The following ANKRD42 variants were observed in gnomAD, a reference collection of about 807,000 sequenced individuals.
The protein encoded by ANKRD42 is ankyrin repeat domain-containing protein 42.
A neutral mutation model predicts 51.5 loss-of-function variants in ANKRD42; 43 were observed. The ratio of observed to expected loss-of-function variants is 0.83; its 90% CI spans 0.65 to 1.08. The LOEUF is 1.08. ANKRD42 is among the 50% of genes least tolerant of loss of function. ANKRD42 has a pLI of 0.00. For missense variants in ANKRD42, 608 were observed against 629.3 expected, an observed-to-expected ratio of 0.97 and a Z score of 0.36; for synonymous variants, 203 against 213.0, an observed-to-expected ratio of 0.95 and a Z score of 0.41.
chr11:83,261,806 A>G (rs1018741719), downstream of ANKRD42: 3 of 746,944 alleles, frequency 4.0e-6, no homozygotes, highest in African/African-American at 3.6e-5. Flanking sequence ...CACTTCGAAT[A>G]ATCTTGTGTA....
chr11:83,197,595 A>G (rs1026232276), intron 1 of ANKRD42, among the ~76,000 whole-genome samples: 2 of 152,206 alleles, frequency 1.3e-5, no homozygotes, highest in African/African-American at 4.8e-5. Flanking sequence ...GCTGTTTTCA[A>G]AACAACTTCA....
chr11:83,213,005 A>G (rs750555789), intron 5 of ANKRD42: 68 of 1,599,358 alleles, frequency 4.3e-5, no homozygotes, highest in East Asian at 8.9e-5. Context: ...CCTCAGCATC[A>G]TGGCCACCCT....
intron 5 of ANKRD42, 43 bp from the exon 6 acceptor site, chr11:83,224,812 T>G: frequency 6.9e-7 from 1 of 1,455,380 alleles, no homozygotes; most frequent in Non-Finnish European, 9.2e-7. Context: ...CATAAAAATT[T>G]TAAAAAATAA....
At chr11:83,208,384 T>A (rs760884978) in intron 3 of ANKRD42, among the ~76,000 whole-genome samples, 47 of 151,778 alleles carry the variant, frequency 3.1e-4, no homozygotes, top group Non-Finnish European at 6.5e-4. Context: ...TGTGTGTGTG[T>A]GAATATGTTT....
intron 6 of ANKRD42, among the ~76,000 whole-genome samples, chr11:83,225,342 G>T (rs1300731591): frequency 6.6e-6 from 1 of 152,096 alleles, no homozygotes; most frequent in African/African-American, 2.4e-5. Context: ...TGAGGTGAGT[G>T]GATTGCTTGA....
intron 5 of ANKRD42, among the ~76,000 whole-genome samples, chr11:83,222,566 C>T (rs1862747264): frequency 2.0e-5 from 3 of 152,138 alleles, no homozygotes; most frequent in Admixed American, 2.0e-4. Flanking sequence ...GGATAAACAT[C>T]TGAAGGAGCT....
chr11:83,261,328 A>G (rs1366198383), downstream of ANKRD42: 17 of 152,132 alleles, frequency 1.1e-4, no homozygotes, highest in Admixed American at 1.1e-3. Context: ...CAGCCTCCCA[A>G]AGTGCTGAGA....
chr11:83,209,465 G>A (rs753740475), intron 3 of ANKRD42: 423 of 1,445,878 alleles, frequency 2.9e-4, no homozygotes, highest in Non-Finnish European at 3.7e-4. Context: ...TCGACATGTC[G>A]TGCTGCCCAA....
chr11:83,195,369 G>T (rs12226394), intron 1 of ANKRD42, among the ~76,000 whole-genome samples: 29 of 152,308 alleles, frequency 1.9e-4, no homozygotes, highest in African/African-American at 5.1e-4. Flanking sequence ...AGTGAGATCA[G>T]TGTTATAAAG....
chr11:83,216,957 G>A (rs979773277), intron 5 of ANKRD42, among the ~76,000 whole-genome samples: 3 of 152,224 alleles, frequency 2.0e-5, no homozygotes, highest in African/African-American at 7.2e-5. Context: ...AAGGGGCCCT[G>A]CAGTTGTGGT....
chr11:83,195,818 C>T (rs1189478744), intron 1 of ANKRD42, among the ~76,000 whole-genome samples: 2 of 150,482 alleles, frequency 1.3e-5, no homozygotes, highest in Admixed American at 6.6e-5. Context: ...TGTATTCTTA[C>T]ATGATCTACC....
rs150944949 is a variant in ANKRD42 at position 83,256,000 on chromosome 11, G to A, written c.*66G>A. The A allele has an allele frequency of 5.4e-4, 625 of 1,166,262 alleles. 8 individuals carry two copies. The East Asian group carries it at 0.015, about 28-fold the overall frequency. The allele number at this position is 1,166,262 out of a possible 1,614,324, so 72.2% of individuals were successfully genotyped here. A position where few individuals can be genotyped will look rare whatever the true frequency, so the allele number is the denominator to read the frequency against. ...TCATTAAAAAAATTGATATAAATGTGAGTCTATACAAACTATCTCAGAATT... is the reference window on the plus strand; with the variant it reads ...TCATTAAAAAAATTGATATAAATGTAAGTCTATACAAACTATCTCAGAATT... On this transcript the variant is annotated 3_prime_UTR_variant, in exon 12 of 12. Transcript: ENST00000260047.
intron 5 of ANKRD42, chr11:83,213,209 A>C: frequency 2.5e-6 from 4 of 1,599,826 alleles, no homozygotes; most frequent in African/African-American, 1.3e-5. Flanking sequence ...AACAAAGCAC[A>C]TGCTGCCTAC....
intron 7 of ANKRD42, among the ~76,000 whole-genome samples, chr11:83,228,749 A>G (rs1276192778): frequency 6.6e-6 from 1 of 152,112 alleles, no homozygotes; most frequent in African/African-American, 2.4e-5. Flanking sequence ...TTTATAAGCA[A>G]GGGAAATGAG....
At chr11:83,207,895 G>A (rs926298203) in intron 3 of ANKRD42, among the ~76,000 whole-genome samples, 1 of 152,182 alleles carries the variant, frequency 6.6e-6, no homozygotes, top group Admixed American at 6.5e-5. Flanking sequence ...TAAGAACCAC[G>A]CTTGGATAGA....
At chr11:83,206,911 A>T (rs2135492901) in intron 3 of ANKRD42, among the ~76,000 whole-genome samples, 1 of 152,332 alleles carries the variant, frequency 6.6e-6, no homozygotes, top group East Asian at 1.9e-4. Flanking sequence ...GTTTTGAAAT[A>T]GACTGGAATT....
intron 5 of ANKRD42, among the ~76,000 whole-genome samples, chr11:83,216,546 G>C (rs556311327): frequency 4.4e-4 from 67 of 151,656 alleles, no homozygotes; most frequent in African/African-American, 1.5e-3. Flanking sequence ...GGATGGTCTC[G>C]ATCTCCTGAC....
intron 1 of ANKRD42, 147 bp from the exon 2 acceptor site, chr11:83,198,332 T>A: frequency 2.7e-6 from 2 of 742,292 alleles, no homozygotes; most frequent in Non-Finnish European, 4.2e-6. Flanking sequence ...ACCAGAAGTC[T>A]GTTTAAGATA....
At chr11:83,202,288 C>A (rs889436034) in intron 2 of ANKRD42, among the ~76,000 whole-genome samples, 1 of 152,162 alleles carries the variant, frequency 6.6e-6, no homozygotes, top group Non-Finnish European at 1.5e-5. Context: ...TGTTGAAGAT[C>A]AGGTGGTTGT....
Sources: allele counts gnomAD v4.1 joint callset (sites outside exome capture counted in the v4.1 genomes callset), GRCh38; gene constraint gnomAD v4.1.1; transcripts MANE v1.5; gene names NCBI Gene and HGNC (gene_info 2026-07-23, HGNC 2026-07-21).